Variants in FHAD1 observed in about 807,000 individuals in gnomAD.
FHAD1 encodes forkhead associated phosphopeptide binding domain 1.
FHAD1 carries 146 observed loss-of-function variants against 191.3 expected under a neutral mutation model. That is an observed-to-expected ratio of 0.76 (90% confidence interval 0.67 to 0.88). FHAD1 has a LOEUF of 0.88. Ranked by LOEUF, FHAD1 falls within the 40% of genes least tolerant of loss-of-function variation. FHAD1 has a pLI of 0.00. For missense variants in FHAD1, 1,635 were observed against 1,785.8 expected (o/e 0.92, Z 1.52); for synonymous variants, 616 against 672.3 (o/e 0.92, Z 1.29).
At chr1:15,353,704 CAAAAAAAAAAAA>C (rs60518389) in intron 20 of FHAD1, among the ~76,000 whole-genome samples, 1 of 60,974 alleles carries the variant, frequency 1.6e-5, no homozygotes, top group South Asian at 7.5e-4. Context: ...GACTCCATCT[CAAAAAAAAAAAA>C]AAAAAAAAAA....
chr1:15,349,603 C>T (rs1299201731), intron 19 of FHAD1, among the ~76,000 whole-genome samples: 3 of 152,216 alleles, frequency 2.0e-5, no homozygotes, highest in Non-Finnish European at 4.4e-5. Context: ...CTGGCCCGGC[C>T]TCCTGGTGTC....
chr1:15,283,635 C>T (rs567805168), intron 3 of FHAD1, among the ~76,000 whole-genome samples: 1 of 152,320 alleles, frequency 6.6e-6, no homozygotes, highest in East Asian at 1.9e-4. Flanking sequence ...GAGCCAGCAC[C>T]AACAGGCCCC....
rs1696232252 is a variant in FHAD1, at chr1:15,365,770, C to G, written c.3048-57C>G. 4 of 1,118,336 alleles carry G rather than the reference C, an allele frequency of 3.6e-6. No individual in the cohort carries two copies. The South Asian group carries it at 5.4e-5, about 15-fold the overall frequency. 69.3% of individuals were successfully genotyped at this position (1,118,336 alleles called of 1,614,324 possible). A position where few individuals can be genotyped will look rare whatever the true frequency, so the allele number is the denominator to read the frequency against. Reference sequence around the variant, plus strand: ...TTTGTACTTGGCCCCTCCTGACACTCAGGAGATAACATGGAGTTTGAGTTG... The same window carrying G: ...TTTGTACTTGGCCCCTCCTGACACTGAGGAGATAACATGGAGTTTGAGTTG... On this transcript the variant is annotated intron_variant, in intron 23 of 33. Coordinates refer to ENST00000688493, the MANE Select transcript of FHAD1 (RefSeq NM_001391957.1).
chr1:15,383,452 C>A, intron 31 of FHAD1: 2 of 349,708 alleles, frequency 5.7e-6, no homozygotes, highest in East Asian at 7.5e-5. Flanking sequence ...AAAGTTTCCC[C>A]AAAGCAAGTC....
intron 6 of FHAD1, among the ~76,000 whole-genome samples, chr1:15,307,201 T>C (rs1024258879): frequency 1.3e-5 from 2 of 152,224 alleles, no homozygotes; most frequent in African/African-American, 2.4e-5. Flanking sequence ...TCATGGGCCC[T>C]GTAACCCCTT....
chr1:15,367,665 C>T lies in FHAD1; in HGVS notation c.3314+43C>T, dbSNP rs1010830324. 2.9e-5 allele frequency: 44 copies of T among 1,494,218 alleles called. No homozygotes were observed. The East Asian group carries it at 8.1e-4, about 28-fold the overall frequency. 92.6% of individuals were successfully genotyped at this position (1,494,218 alleles called of 1,614,324 possible). A position where few individuals can be genotyped will look rare whatever the true frequency, so the allele number is the denominator to read the frequency against. On this transcript the variant is annotated intron_variant, in intron 25 of 33. Transcript: ENST00000688493. ...CGGGTTGGGGGGATGGTTTGCCTGC[C>T]GTGGGGAGCCGCTGAGTATTGCAGA...
At position 15,345,531 on chromosome 1, in the gene FHAD1, C is replaced by T. The variant is rs112861555; in HGVS notation, c.2346+8C>T. 234 of 1,550,092 alleles carry T rather than the reference C, an allele frequency of 1.5e-4. No homozygotes were observed. The highest frequency in any genetic ancestry group is 1.8e-4 in the Non-Finnish European group (206 of 1,145,500). ...TTGGCCCGCCAGAAGGAGGTACGCT[C>T]GGGGAGATAGAGTCGGCTGAGCCCC... On this transcript the variant is annotated splice_region_variant and intron_variant, in intron 18 of 33. Coordinates refer to ENST00000688493, the MANE Select transcript of FHAD1 (RefSeq NM_001391957.1).
intron 26 of FHAD1, among the ~76,000 whole-genome samples, chr1:15,373,999 C>T (rs991633095): frequency 2.0e-5 from 3 of 152,152 alleles, no homozygotes; most frequent in East Asian, 3.9e-4. Flanking sequence ...CAGAAAGTTC[C>T]GTGGGGTTCC....
At chr1:15,393,266 G>A (rs542481673) in intron 33 of FHAD1, 1 of 152,142 alleles carries the variant, frequency 6.6e-6, no homozygotes, top group East Asian at 1.9e-4. Context: ...GTAGAGACGG[G>A]GTTTCACTAT....
In FHAD1 at chr1:15,276,093, A is replaced by T. The variant is rs922383820; in HGVS notation, c.300+3564A>T. Among the ~76,000 whole-genome samples the T allele has an allele frequency of 6.6e-6, 1 of 152,212 alleles. No individual in the cohort carries two copies. The highest frequency in any genetic ancestry group is 6.5e-5 in the Admixed American group (1 of 15,286). ...CCTGAAGTTCAAGTGAGTCTGCCCC[A>T]CACAGTTCTGCCCTGCTCTTGACCA... On this transcript the variant is annotated intron_variant, in intron 3 of 33. Coordinates refer to ENST00000688493, the MANE Select transcript of FHAD1 (RefSeq NM_001391957.1). The surrounding 1 kb of genome is among the most constrained non-coding windows in gnomAD (Gnocchi z 4.7).
At chr1:15,265,628 A>G (rs1008623552) in intron 2 of FHAD1, among the ~76,000 whole-genome samples, 3 of 152,152 alleles carry the variant, frequency 2.0e-5, no homozygotes. Context: ...GGGATTTGAG[A>G]AGAGAAAAAC....
At chr1:15,371,577 C>T (rs1698104361) in intron 26 of FHAD1, among the ~76,000 whole-genome samples, 2 of 152,232 alleles carry the variant, frequency 1.3e-5, no homozygotes, top group Admixed American at 1.3e-4. Flanking sequence ...AGGCCAAGCA[C>T]AGGCTGTGAC....
Position 15,375,663 on chromosome 1 carries a change from A to C in FHAD1, c.3638A>C (p.Asn1213Thr), listed in dbSNP as rs955607651. The change falls in exon 28 of 34, where the codon AAT becomes ACT. Residue 1213 changes from asparagine to threonine, a missense_variant. Physicochemically the swap from Asn to Thr is moderately conservative, Grantham distance 65. Coordinates refer to ENST00000688493, the MANE Select transcript of FHAD1 (RefSeq NM_001391957.1). ...LDLKNLRMEN[N>T]VQKILLDAKP... ...TTAAAGAACCTCAGAATGGAAAACA[A>C]TGTCCAGAAAATACTACTGGATGCA... 1 of 1,548,572 alleles carries C rather than the reference A, an allele frequency of 6.5e-7. No individual in the cohort carries two copies. Among genetic ancestry groups the C allele is most frequent in the African/African-American group, 1.4e-5 (1 of 73,008 alleles).
chr1:15,358,124 A>C lies in FHAD1; in HGVS notation c.2577A>C (p.Lys859Asn), dbSNP rs556008090. The C allele has an allele frequency of 2.0e-6, 3 of 1,508,236 alleles. No individual in the cohort carries two copies. The highest frequency in any genetic ancestry group is 2.6e-6 in the Non-Finnish European group (3 of 1,135,284). 93.4% of individuals were successfully genotyped at this position (1,508,236 alleles called of 1,614,324 possible). ...LTKQKEELEL[K>N]EQKEDVLNNK... Reference sequence around the variant, plus strand: ...TTTTTGTCTAGGAATTAGAATTAAAAGAGCAAAAAGAGGACGTTTTAAATA... The same window carrying C: ...TTTTTGTCTAGGAATTAGAATTAAACGAGCAAAAAGAGGACGTTTTAAATA... The change falls in exon 21 of 34, where the codon AAA (lysine) becomes AAC (asparagine). Residue 859 changes from lysine (K) to asparagine (N), a missense_variant. Transcript: ENST00000688493.
intron 2 of FHAD1, among the ~76,000 whole-genome samples, chr1:15,267,201 AG>A (rs1557955321): frequency 6.6e-6 from 1 of 152,246 alleles, no homozygotes; most frequent in Non-Finnish European, 1.5e-5. Context: ...TACAAATAAA[AG>A]AATATATCTC....
intron 10 of FHAD1, among the ~76,000 whole-genome samples, chr1:15,323,219 T>C (rs572276598): frequency 2.8e-4 from 43 of 152,066 alleles, no homozygotes; most frequent in Non-Finnish European, 5.3e-4. Flanking sequence ...TAAATAAATC[T>C]CTGACAGCTG....
chr1:15,262,363 C>A (rs1651480585), intron 2 of FHAD1, among the ~76,000 whole-genome samples: 1 of 152,168 alleles, frequency 6.6e-6, no homozygotes, highest in Non-Finnish European at 1.5e-5. Flanking sequence ...AAGGGCCATT[C>A]TGCTATTATC....
intron 1 of FHAD1, among the ~76,000 whole-genome samples, chr1:15,236,821 G>T (rs1020130009): frequency 6.6e-6 from 1 of 152,186 alleles, no homozygotes; most frequent in Non-Finnish European, 1.5e-5. Context: ...GATATGGTTT[G>T]GCTGTGTCTG....
chr1:15,252,923 GA>G (rs1438821413), intron 2 of FHAD1, among the ~76,000 whole-genome samples: 5 of 152,132 alleles, frequency 3.3e-5, no homozygotes, highest in Non-Finnish European at 7.4e-5. Flanking sequence ...TATTGAAGTG[GA>G]AAGAGAAAAA....
Sources: gnomAD v4.1 joint callset for allele counts (sites outside exome capture counted in the v4.1 genomes callset) on GRCh38, gnomAD v4.1.1 for gene constraint, Gnocchi (gnomAD v3.1) non-coding constraint, MANE v1.5 for transcripts, NCBI Gene and HGNC (gene_info 2026-07-23, HGNC 2026-07-21) for gene names.